SCN7A: variants seen among roughly 807,000 people sequenced by gnomAD.
SCN7A encodes the protein sodium channel protein type 7 subunit alpha.
A neutral mutation model predicts 155.2 loss-of-function variants in SCN7A; 138 were observed. The ratio of observed to expected loss-of-function variants is 0.89; its 90% CI spans 0.77 to 1.02. The LOEUF (loss-of-function observed/expected upper bound fraction) is 1.02, where lower values mean the gene tolerates loss of function less well. SCN7A is among the 50% of genes least tolerant of loss of function. SCN7A has a pLI of 0.00. For synonymous variants in SCN7A, 693 were observed against 649.0 expected (o/e 1.07, Z -1.03); for missense variants, 2,058 against 1,986.6 (o/e 1.04, Z -0.68).
intron 5 of SCN7A, among the ~76,000 whole-genome samples, chr2:166,473,418 A>C (rs1575059629): frequency 6.6e-6 from 1 of 151,778 alleles, no homozygotes; most frequent in Middle Eastern, 3.4e-3. Flanking sequence ...TTTAATAATA[A>C]AAACTCAAAA....
intron 6 of SCN7A, among the ~76,000 whole-genome samples, chr2:166,471,440 C>A (rs893797249): frequency 3.3e-5 from 5 of 151,566 alleles, no homozygotes; most frequent in African/African-American, 1.2e-4. Context: ...AGCAAAACAG[C>A]AAAGATAATG....
chr2:166,411,051 T>C (rs558349764), intron 23 of SCN7A, among the ~76,000 whole-genome samples: 15 of 152,116 alleles, frequency 9.9e-5, no homozygotes, highest in Admixed American at 6.6e-4. Context: ...AGCTGAAGCA[T>C]CCAATCAAAA....
chr2:166,465,414 T>A, intron 9 of SCN7A, 48 bp downstream of exon 9: 2 of 1,252,280 alleles, frequency 1.6e-6, no homozygotes, highest in Non-Finnish European at 2.3e-6. Context: ...CATTAAATAC[T>A]ATTGACAGGT....
At chr2:166,443,793 T>C in intron 13 of SCN7A, 117 bp from the exon 14 acceptor site, 1 of 720,914 alleles carries the variant, frequency 1.4e-6, no homozygotes, top group South Asian at 2.0e-5. Flanking sequence ...TCTTCACAGC[T>C]TCTCTGTCAA....
In SCN7A at chr2:166,465,749, ATTTTTGATAT is replaced by A. The variant is rs1702517746; in HGVS notation, c.871+22_871+31del. 3.1e-6 allele frequency: 5 copies of A among 1,606,222 alleles called. No individual in the cohort carries two copies. The South Asian group carries it at 5.5e-5, about 18-fold the overall frequency. ...TGCTTTGCCTTTAACGAAAGTTTCAATTTTTGATATACATGGCAAGGTGATTCTTACCTCG... is the reference window on the plus strand; with the variant it reads ...TGCTTTGCCTTTAACGAAAGTTTCAAACATGGCAAGGTGATTCTTACCTCG... On this transcript the variant is annotated intron_variant, in intron 8 of 25. Coordinates refer to ENST00000643258, the MANE Select transcript of SCN7A (RefSeq NM_002976.4).
At chr2:166,462,611 T>A in intron 9 of SCN7A, 81 bp from the exon 10 acceptor site, 1 of 1,348,112 alleles carries the variant, frequency 7.4e-7, no homozygotes, top group Non-Finnish European at 1.0e-6. Flanking sequence ...AGAACATCAG[T>A]CCTGAGTAAT....
rs373659814 is a variant in SCN7A, at chr2:166,414,462, G to GATATATAT, written c.3415-1349_3415-1342dup. ...TTCCCTAGAGGGACTGAACTAATAG[G>GATATATAT]ATATATATATATATATATATATATC... is the stretch of plus-strand genomic sequence containing the variant. On this transcript the variant is annotated intron_variant, in intron 21 of 25. Coordinates refer to ENST00000643258, the MANE Select transcript of SCN7A (RefSeq NM_002976.4). 4.8e-3 allele frequency: 572 copies of GATATATAT among 118,160 alleles called. 6 individuals are homozygous for GATATATAT. Among genetic ancestry groups the GATATATAT allele is most frequent in the African/African-American group, 0.017 (530 of 30,448 alleles). The allele number at this position is 118,160 out of a possible 1,614,324, so 7.3% of individuals were successfully genotyped here. A position where few individuals can be genotyped will look rare whatever the true frequency, so the allele number is the denominator to read the frequency against.
chr2:166,484,906 A>T (rs1703011383), intron 2 of SCN7A, among the ~76,000 whole-genome samples: 1 of 152,094 alleles, frequency 6.6e-6, no homozygotes, highest in African/African-American at 2.4e-5. Context: ...TCTATGTTTA[A>T]GAAGGAATGA....
rs1559087806 is a variant in SCN7A at position 166,414,004 on chromosome 2, A to ATATATATATATAT, written c.3415-884_3415-883insATATATATATATA. ...GTGTATATATATATATATATATATA[A>ATATATATATATAT]ATATACTATATATATGTAAATATAT... is the stretch of plus-strand genomic sequence containing the variant. On this transcript the variant is annotated intron_variant, in intron 21 of 25. Coordinates refer to ENST00000643258, the MANE Select transcript of SCN7A (RefSeq NM_002976.4). 1.8e-3 allele frequency among the ~76,000 whole-genome samples: 84 copies of ATATATATATATAT among 45,790 alleles called. 3 individuals carry two copies. The highest frequency in any genetic ancestry group is 5.4e-3 in the East Asian group (13 of 2,418). 30.0% of individuals were successfully genotyped at this position (45,790 alleles called of 152,430 possible).
At chr2:166,458,657 T>C (rs1293650934) in intron 10 of SCN7A, among the ~76,000 whole-genome samples, 2 of 152,204 alleles carry the variant, frequency 1.3e-5, no homozygotes, top group Non-Finnish European at 2.9e-5. Context: ...CTGTATCTTT[T>C]ATATGCCTAC....
intron 7 of SCN7A, among the ~76,000 whole-genome samples, chr2:166,466,420 A>T (rs533010690): frequency 6.6e-6 from 1 of 152,288 alleles, no homozygotes; most frequent in African/African-American, 2.4e-5. Context: ...TAATAATTCA[A>T]TTTGAATAAT....
intron 22 of SCN7A, 115 bp from the exon 23 acceptor site, chr2:166,412,782 CTG>C: frequency 2.9e-6 from 4 of 1,377,612 alleles, no homozygotes; most frequent in Non-Finnish European, 3.8e-6. Context: ...ACCTAAGAAA[CTG>C]TTTTCTTTTT....
intron 16 of SCN7A, among the ~76,000 whole-genome samples, chr2:166,431,389 G>C (rs765188905): frequency 6.6e-6 from 1 of 152,190 alleles, no homozygotes; most frequent in Non-Finnish European, 1.5e-5. Flanking sequence ...TTATTGTAGA[G>C]AGCATCTGCC....
chr2:166,440,775 T>G (rs1248886936), intron 15 of SCN7A: 1 of 152,162 alleles, frequency 6.6e-6, no homozygotes, highest in African/African-American at 2.4e-5. Flanking sequence ...GTAGTCCCCC[T>G]TAATCCAGGG....
chr2:166,420,879 AAATGGAGAC>A (rs1272565786), intron 20 of SCN7A, among the ~76,000 whole-genome samples: 2 of 151,960 alleles, frequency 1.3e-5, no homozygotes, highest in Non-Finnish European at 2.9e-5. Context: ...CGTATTTTTA[AAATGGAGAC>A]AATTTTGGTA....
intron 7 of SCN7A, among the ~76,000 whole-genome samples, chr2:166,469,240 T>C (rs1354544485): frequency 6.6e-6 from 1 of 151,778 alleles, no homozygotes; most frequent in Non-Finnish European, 1.5e-5. Context: ...AGTCTTTCTT[T>C]ATACAAGTGT....
At chr2:166,444,271 A>G (rs968223100) in intron 13 of SCN7A, among the ~76,000 whole-genome samples, 2 of 152,202 alleles carry the variant, frequency 1.3e-5, no homozygotes, top group African/African-American at 4.8e-5. Context: ...TTGTATGTGA[A>G]AAAGGACTGG....
At chr2:166,421,114 C>T in intron 20 of SCN7A, 76 bp downstream of exon 20, 1 of 940,484 alleles carries the variant, frequency 1.1e-6, no homozygotes, top group East Asian at 2.8e-5. Context: ...GAGAAGAAAA[C>T]AAAGCTTCCC....
At chr2:166,434,962 A>G (rs1701807411) in intron 15 of SCN7A, among the ~76,000 whole-genome samples, 1 of 152,088 alleles carries the variant, frequency 6.6e-6, no homozygotes, top group Non-Finnish European at 1.5e-5. Flanking sequence ...GGATTTGAAC[A>G]AGAAAAAGTT....
Sources: allele counts gnomAD v4.1 joint callset (sites outside exome capture counted in the v4.1 genomes callset), GRCh38; gene constraint gnomAD v4.1.1; transcripts MANE v1.5; gene names NCBI Gene and HGNC (gene_info 2026-07-23, HGNC 2026-07-21).